Variants in EPHA5 observed in about 807,000 individuals in gnomAD.
EPHA5 encodes ephrin type-A receptor 5.
Under a neutral mutation model 105.0 loss-of-function variants are expected in EPHA5, and 60 were observed. The ratio of observed to expected loss-of-function variants is 0.57; its 90% CI spans 0.46 to 0.71. The LOEUF is 0.71. EPHA5 is among the 30% of genes least tolerant of loss of function. The pLI is 0.00. For synonymous variants in EPHA5, 513 were observed against 449.1 expected (o/e 1.14, Z -1.80); for missense variants, 1,218 against 1,274.7 (o/e 0.96, Z 0.68).
chr4:65,620,360 A>G (rs1287881840), intron 2 of EPHA5, among the ~76,000 whole-genome samples: 1 of 152,008 alleles, frequency 6.6e-6, no homozygotes, highest in African/African-American at 2.4e-5. Flanking sequence ...CACTGTTTCT[A>G]TTTGATGAGT....
At position 65,368,899 on chromosome 4, in the gene EPHA5, T is replaced by C. The variant is rs971633962; in HGVS notation, c.1794-1475A>G. Among the ~76,000 whole-genome samples, 22 of 152,166 alleles carry C rather than the reference T, an allele frequency of 1.4e-4. 1 individual carries two copies. Among genetic ancestry groups the C allele is most frequent in the Admixed American group, 1.4e-3 (21 of 15,262 alleles). On this transcript the variant is annotated intron_variant, in intron 8 of 16. Transcript: ENST00000613740. ...ACTGAGGATTTTCTTCCTAACAATT[T>C]CCAACTGTCAAAGTTCAGTTCCATT...
chr4:65,324,400 A>G (rs931736919), intron 16 of EPHA5, among the ~76,000 whole-genome samples, 181 bp from the exon 17 acceptor site: 2 of 151,514 alleles, frequency 1.3e-5, no homozygotes, highest in African/African-American at 2.4e-5. Context: ...ATCTGTTAGT[A>G]GTCAAAAAAT....
At chr4:65,464,108 T>A (rs1035742791) in intron 5 of EPHA5, among the ~76,000 whole-genome samples, 7 of 151,844 alleles carry the variant, frequency 4.6e-5, no homozygotes, top group African/African-American at 1.7e-4. Flanking sequence ...AAAACTGTAG[T>A]ACCAGAGTAA....
At chr4:65,423,837 T>C (rs1724165878) in intron 5 of EPHA5, among the ~76,000 whole-genome samples, 1 of 151,934 alleles carries the variant, frequency 6.6e-6, no homozygotes, top group Non-Finnish European at 1.5e-5. Context: ...GGGTGTTGAG[T>C]GTGTTTCTTG....
intron 5 of EPHA5, among the ~76,000 whole-genome samples, chr4:65,465,720 A>G (rs1280215695): frequency 6.6e-6 from 1 of 152,192 alleles, no homozygotes; most frequent in African/African-American, 2.4e-5. Context: ...AGTATCTTTC[A>G]ATATGAGATA....
At chr4:65,457,934 C>G (rs1190203936) in intron 5 of EPHA5, among the ~76,000 whole-genome samples, 1 of 151,890 alleles carries the variant, frequency 6.6e-6, no homozygotes, top group Admixed American at 6.6e-5. Flanking sequence ...GTTAGCCGGA[C>G]TTGGTGACTG....
chr4:65,415,470 T>G (rs1723302403), intron 6 of EPHA5, among the ~76,000 whole-genome samples: 1 of 152,006 alleles, frequency 6.6e-6, no homozygotes, highest in Non-Finnish European at 1.5e-5. Flanking sequence ...AAATATACAA[T>G]CTATAAACAT....
Position 65,669,604 on chromosome 4 carries a change from A to G in EPHA5, c.139T>C (p.Cys47Arg), listed in dbSNP as rs2149570967. The G allele has an allele frequency of 7.0e-7, 1 of 1,437,686 alleles. No individual in the cohort carries two copies. Among genetic ancestry groups the G allele is most frequent in the Non-Finnish European group, 9.2e-7 (1 of 1,089,670 alleles). The allele number at this position is 1,437,686 out of a possible 1,614,324, so 89.1% of individuals were successfully genotyped here. A position where few individuals can be genotyped will look rare whatever the true frequency, so the allele number is the denominator to read the frequency against. ...GCCAGGAGGGTCCGGAGTGCGGCGCACAGGAGAAGGCACGTCCAGAGGGGA... is the reference window on the plus strand; with the variant it reads ...GCCAGGAGGGTCCGGAGTGCGGCGCGCAGGAGAAGGCACGTCCAGAGGGGA... ...RAPLWTCLLL[C>R]AALRTLLASP... The change falls in exon 1 of 17, where the codon TGC becomes CGC. Residue 47 changes from cysteine to arginine, a missense_variant. Physicochemically the swap from Cys to Arg is radical, Grantham distance 180. Around this residue, in one of 3 missense-constraint regions of EPHA5, gnomAD observed 233 missense variants for 227.5 expected, o/e 1.02. Coordinates refer to ENST00000613740, the MANE Select transcript of EPHA5 (RefSeq NM_001281766.3).
At chr4:65,536,457 T>A (rs1736298392) in intron 3 of EPHA5, among the ~76,000 whole-genome samples, 1 of 151,940 alleles carries the variant, frequency 6.6e-6, no homozygotes, top group Admixed American at 6.6e-5. Context: ...ACCATATATA[T>A]TTTTTTATTA....
intron 3 of EPHA5, among the ~76,000 whole-genome samples, chr4:65,536,053 A>C (rs182508148): frequency 1.9e-4 from 29 of 152,146 alleles, no homozygotes; most frequent in African/African-American, 7.0e-4. Context: ...TATTTGTGAT[A>C]GAAATAAAAT....
In EPHA5 at chr4:65,507,479, T is replaced by C. The variant is rs575848863; in HGVS notation, c.911-11936A>G. On this transcript the variant is annotated intron_variant, in intron 3 of 16. Transcript: ENST00000613740. The stretch of plus-strand genomic sequence containing the variant: ...GGGCAGTATGGCCATTTTCACGATA[T>C]TGATGCTTCCTACCCATGAGCATGG... Among the ~76,000 whole-genome samples, 413 of 152,288 alleles carry C rather than the reference T, an allele frequency of 2.7e-3. 1 individual carries two copies. The highest frequency in any genetic ancestry group is 9.7e-3 in the African/African-American group (402 of 41,570).
At chr4:65,574,094 T>A in intron 3 of EPHA5, 1 of 1,608,666 alleles carries the variant, frequency 6.2e-7, no homozygotes, top group Non-Finnish European at 8.5e-7. Flanking sequence ...TCCCAAAACA[T>A]CTTACTGATG....
chr4:65,335,851 A>G lies in EPHA5; in HGVS notation c.2789+81T>C, dbSNP rs1039049915. 3 of 1,399,008 alleles carry G rather than the reference A, an allele frequency of 2.1e-6. No individual in the cohort carries two copies. In the Admixed American group the frequency reaches 6.5e-5, roughly 30 times the overall value. The allele number at this position is 1,399,008 out of a possible 1,614,324, so 86.7% of individuals were successfully genotyped here. A position where few individuals can be genotyped will look rare whatever the true frequency, so the allele number is the denominator to read the frequency against. On this transcript the variant is annotated intron_variant, in intron 15 of 16. Transcript: ENST00000613740. ...ATTCACAGATTAATGTCTATACGAG[A>G]ATGATTTAATTGATAAAATATTTGT...
chr4:65,668,534 A>G (rs1057244233), intron 1 of EPHA5, among the ~76,000 whole-genome samples: 3 of 152,136 alleles, frequency 2.0e-5, no homozygotes, highest in African/African-American at 7.2e-5. Context: ...ACCCGAGCTC[A>G]GTCCGGGTGT....
Position 65,323,894 on chromosome 4 carries a change from T to C in EPHA5, c.*220A>G, listed in dbSNP as rs1719831605. 2.5e-6 allele frequency: 1 copy of C among 392,546 alleles called. No individual in the cohort carries two copies. 24.3% of individuals were successfully genotyped at this position (392,546 alleles called of 1,614,324 possible). ...GATGATGTCTAACTTCATGTCCCTT[T>C]TAATGCAAGATATGTTTGCTTCATG... On this transcript the variant is annotated 3_prime_UTR_variant, in exon 17 of 17. Coordinates refer to ENST00000613740, the MANE Select transcript of EPHA5 (RefSeq NM_001281766.3).
chr4:65,521,946 G>A (rs1355295038), intron 3 of EPHA5, among the ~76,000 whole-genome samples: 1 of 151,970 alleles, frequency 6.6e-6, no homozygotes, highest in Non-Finnish European at 1.5e-5. Context: ...GATTTGTTAA[G>A]CTTTGATTCT....
At chr4:65,521,662 T>G (rs1440060375) in intron 3 of EPHA5, among the ~76,000 whole-genome samples, 3 of 152,102 alleles carry the variant, frequency 2.0e-5, no homozygotes, top group African/African-American at 7.2e-5. Context: ...TGAAGTATGC[T>G]GAGCTTGGGA....
In EPHA5 at chr4:65,365,101, G is replaced by A. The variant is rs201120003; in HGVS notation, c.2089C>T (p.Arg697Cys). 4.2e-5 allele frequency: 68 copies of A among 1,611,610 alleles called. No individual in the cohort carries two copies. The Middle Eastern group carries it at 8.2e-4, about 20-fold the overall frequency. ...TLKVGYTEKQ[R>C]RDFLGEASIM... ...CTTGCTTCACCTAGGAAATCTCTGC[G>A]TTGCTTTTCAGTATAGCCTACTTTA... The change falls in exon 11 of 17, where the codon CGC (arginine) becomes TGC (cysteine). Residue 697 changes from arginine (R) to cysteine (C), a missense_variant. By Grantham distance (180) the Arg-to-Cys change is radical. Around this residue, in one of 3 missense-constraint regions of EPHA5, gnomAD observed 971 missense variants for 1,013.5 expected, o/e 0.96. Transcript: ENST00000613740.
At chr4:65,447,468 C>T (rs914854147) in intron 5 of EPHA5, among the ~76,000 whole-genome samples, 1 of 149,094 alleles carries the variant, frequency 6.7e-6, no homozygotes, top group Non-Finnish European at 1.5e-5. Flanking sequence ...ATTAGAAACA[C>T]ATATATATAT....
Sources: gnomAD v4.1 joint callset for allele counts (sites outside exome capture counted in the v4.1 genomes callset) on GRCh38, gnomAD v4.1.1 for gene constraint, gnomAD v4.1.1 regional missense constraint, MANE v1.5 for transcripts, NCBI Gene and HGNC (gene_info 2026-07-23, HGNC 2026-07-21) for gene names.